GPR107: variants seen among roughly 807,000 people sequenced by gnomAD.
The protein encoded by GPR107 is G protein-coupled receptor 107, also known as protein GPR107.
In GPR107, 31 loss-of-function variants were observed where a neutral mutation model predicts 75.5. That is an observed-to-expected ratio of 0.41 (90% confidence interval 0.31 to 0.55). The LOEUF is 0.55. Ranked by LOEUF, GPR107 falls within the 20% of genes least tolerant of loss-of-function variation. GPR107 has a pLI of 0.26. For synonymous variants in GPR107, 267 were observed against 251.3 expected (o/e 1.06, Z -0.59); for missense variants, 572 against 665.7 (o/e 0.86, Z 1.55).
At chr9:130,086,569 A>G in intron 7 of GPR107, 93 bp downstream of exon 7, 1 of 777,502 alleles carries the variant, frequency 1.3e-6, no homozygotes, top group South Asian at 1.4e-5. Flanking sequence ...TTTAGGAATA[A>G]CAACTTAGGT....
At position 130,107,486 on chromosome 9, in the gene GPR107, T is replaced by G. The variant is rs769671623; in HGVS notation, c.1263-10T>G. 41 of 1,553,148 alleles carry G rather than the reference T, an allele frequency of 2.6e-5. No homozygotes were observed. In the African/African-American group the frequency reaches 4.5e-4, roughly 17 times the overall value. On this transcript the variant is annotated splice_polypyrimidine_tract_variant and intron_variant, in intron 13 of 17. Transcript: ENST00000347136. ...AGCTAACTTTTTGTTCTCTAAATGTTTATTTTTAGGTCAATCAGACATTTA... is the reference window on the plus strand; with the variant it reads ...AGCTAACTTTTTGTTCTCTAAATGTGTATTTTTAGGTCAATCAGACATTTA...
intron 5 of GPR107, among the ~76,000 whole-genome samples, chr9:130,082,213 C>T (rs560702528): frequency 9.9e-5 from 15 of 152,198 alleles, no homozygotes; most frequent in Non-Finnish European, 2.1e-4. Context: ...ACACTGGGGA[C>T]TGCCTTTCCA....
At chr9:130,064,401 C>G (rs1830018237) in intron 1 of GPR107, among the ~76,000 whole-genome samples, 1 of 149,766 alleles carries the variant, frequency 6.7e-6, no homozygotes, top group Non-Finnish European at 1.5e-5. Flanking sequence ...GGGGTTTCAC[C>G]TTGTTAGCCA....
At position 130,075,536 on chromosome 9, in the gene GPR107, G is replaced by A. The variant is rs188044239; in HGVS notation, c.142-100G>A. 54 of 655,488 alleles carry A rather than the reference G, an allele frequency of 8.2e-5. No individual in the cohort carries two copies. The African/African-American group carries it at 8.4e-4, about 10-fold the overall frequency. 40.6% of individuals were successfully genotyped at this position (655,488 alleles called of 1,614,324 possible). ...GGTGGGATTACAGGCTTGAGCCACC[G>A]TGCCCAGCCTGATATCATACTTTTT... On this transcript the variant is annotated intron_variant, in intron 1 of 17. Transcript: ENST00000347136.
At chr9:130,097,155 C>CTTTTTTTTTTTTTTTT (rs71387312) in intron 9 of GPR107, among the ~76,000 whole-genome samples, 8 of 130,164 alleles carry the variant, frequency 6.1e-5, no homozygotes, top group Non-Finnish European at 1.1e-4. Flanking sequence ...TCTTTTTTTT[C>CTTTTTTTTTTTTTTTT]TTTTTTTTTT....
intron 14 of GPR107, among the ~76,000 whole-genome samples, chr9:130,110,928 T>C (rs1355850614): frequency 2.0e-5 from 3 of 152,224 alleles, no homozygotes; most frequent in African/African-American, 7.2e-5. Flanking sequence ...CTTTGCTGGA[T>C]AGAGCCTGAC....
At chr9:130,105,847 AC>A (rs1451352262) in intron 13 of GPR107, among the ~76,000 whole-genome samples, 1 of 151,302 alleles carries the variant, frequency 6.6e-6, no homozygotes, top group East Asian at 2.0e-4. Context: ...TTTTTTGTAG[AC>A]AGGGTTTTGC....
At chr9:130,100,755 G>A (rs1169618084) in intron 11 of GPR107, 53 bp downstream of exon 11, 1 of 1,380,104 alleles carries the variant, frequency 7.2e-7, no homozygotes, top group Admixed American at 1.7e-5. Context: ...ACAAGACAAG[G>A]GGGGTGGGCA....
At chr9:130,077,617 A>C (rs1251344042) in intron 4 of GPR107, among the ~76,000 whole-genome samples, 1 of 152,194 alleles carries the variant, frequency 6.6e-6, no homozygotes, top group East Asian at 1.9e-4. Flanking sequence ...TGTAGAAAGG[A>C]AGGAGAGGCT....
At chr9:130,066,713 C>T (rs968824753) in intron 1 of GPR107, among the ~76,000 whole-genome samples, 1 of 151,930 alleles carries the variant, frequency 6.6e-6, no homozygotes, top group Non-Finnish European at 1.5e-5. Context: ...TGGCCGGGCG[C>T]GGTGGCTCAT....
intron 1 of GPR107, among the ~76,000 whole-genome samples, chr9:130,056,493 G>A (rs1181476106): frequency 3.3e-5 from 5 of 151,896 alleles, no homozygotes; most frequent in African/African-American, 1.2e-4. Flanking sequence ...CCGAAGTCAG[G>A]GGTGTCCAAT....
chr9:130,071,181 C>A (rs557916791), intron 1 of GPR107, among the ~76,000 whole-genome samples: 2 of 150,792 alleles, frequency 1.3e-5, no homozygotes, highest in East Asian at 1.9e-4. Flanking sequence ...GATGCCACCA[C>A]AACTGGCTAA....
chr9:130,073,836 A>C (rs1589489850), intron 1 of GPR107, among the ~76,000 whole-genome samples: 1 of 152,098 alleles, frequency 6.6e-6, no homozygotes, highest in Non-Finnish European at 1.5e-5. Context: ...GCTCACTGCA[A>C]CCTCTGCTTC....
At chr9:130,066,754 G>C (rs1404178808) in intron 1 of GPR107, among the ~76,000 whole-genome samples, 1 of 152,140 alleles carries the variant, frequency 6.6e-6, no homozygotes, top group African/African-American at 2.4e-5. Flanking sequence ...GGGAGGCCGA[G>C]GCAGGCAGAT....
At chr9:130,062,084 C>G (rs1043149344) in intron 1 of GPR107, among the ~76,000 whole-genome samples, 3 of 152,030 alleles carry the variant, frequency 2.0e-5, no homozygotes, top group African/African-American at 7.2e-5. Context: ...AGCTTTCCCA[C>G]AGGGTAGTTA....
intron 13 of GPR107, among the ~76,000 whole-genome samples, 155 bp from the exon 14 acceptor site, chr9:130,107,341 C>T (rs1029127466): frequency 6.6e-6 from 1 of 152,158 alleles, no homozygotes; most frequent in Admixed American, 6.5e-5. Context: ...ACCATTTCCC[C>T]CCCTCTACCC....
intron 1 of GPR107, among the ~76,000 whole-genome samples, chr9:130,063,249 G>A (rs1356528672): frequency 2.6e-5 from 4 of 151,460 alleles, no homozygotes; most frequent in Non-Finnish European, 4.4e-5. Flanking sequence ...GGAGTGCAAT[G>A]GCATGATCTC....
rs1831963401 is a variant in GPR107 at position 130,136,590 on chromosome 9, CA to C, written c.*1470del. 6.6e-6 allele frequency: 1 copy of C among 152,196 alleles called. No individual in the cohort carries two copies. The highest frequency in any genetic ancestry group is 1.5e-5 in the Non-Finnish European group (1 of 68,032). 9.4% of individuals were successfully genotyped at this position (152,196 alleles called of 1,614,324 possible). A position where few individuals can be genotyped will look rare whatever the true frequency, so the allele number is the denominator to read the frequency against. ...TTTCTCACCTCTGGCTTAGAAGGGTCAGGCAGAAACCACAGGATGTGGGGTC... is the reference window on the plus strand; with the variant it reads ...TTTCTCACCTCTGGCTTAGAAGGGTCGGCAGAAACCACAGGATGTGGGGTC... On this transcript the variant is annotated 3_prime_UTR_variant, in exon 18 of 18. Coordinates refer to ENST00000347136, the MANE Select transcript of GPR107 (RefSeq NM_020960.5).
chr9:130,069,626 TGGGGAACAGGTTA>T (rs2132549515), intron 1 of GPR107, among the ~76,000 whole-genome samples: 1 of 152,184 alleles, frequency 6.6e-6, no homozygotes, highest in Non-Finnish European at 1.5e-5. Context: ...AAAATGGAGG[TGGGGAACAGGTTA>T]GGTGAAGGTC....
Sources: allele counts gnomAD v4.1 joint callset (sites outside exome capture counted in the v4.1 genomes callset), GRCh38; gene constraint gnomAD v4.1.1; transcripts MANE v1.5; gene names NCBI Gene and HGNC (gene_info 2026-07-23, HGNC 2026-07-21).